Variants in NLGN1 observed in about 807,000 individuals in gnomAD.
NLGN1 encodes neuroligin 1, also known as neuroligin-1.
A neutral mutation model predicts 65.5 loss-of-function variants in NLGN1; 12 were observed. The observed-to-expected ratio is 0.18, with a 90% CI of 0.12 to 0.30. NLGN1 has a LOEUF of 0.30. NLGN1 is among the 10% of genes least tolerant of loss of function. The probability of loss-of-function intolerance (pLI) is 1.00; values close to 1 mark genes in which losing one functional copy is unlikely to be tolerated. For synonymous variants in NLGN1, 350 were observed against 359.5 expected (o/e 0.97, Z 0.30); for missense variants, 750 against 1,007.1 (o/e 0.74, Z 3.46).
chr3:173,400,278 G>T (rs1553837792), intron 1 of NLGN1, among the ~76,000 whole-genome samples: 1 of 152,022 alleles, frequency 6.6e-6, no homozygotes, highest in South Asian at 2.1e-4. Flanking sequence ...CTGAAATATA[G>T]GTATGATCTT....
chr3:173,886,885 T>C (rs944590135), intron 4 of NLGN1, among the ~76,000 whole-genome samples: 5 of 152,004 alleles, frequency 3.3e-5, no homozygotes, highest in Non-Finnish European at 7.4e-5. Flanking sequence ...CCTTGCACTA[T>C]AAAATAGACT....
chr3:173,820,567 A>G (rs946379331), intron 4 of NLGN1, among the ~76,000 whole-genome samples: 2 of 152,218 alleles, frequency 1.3e-5, no homozygotes, highest in Non-Finnish European at 2.9e-5. Flanking sequence ...TTCTCTATGC[A>G]TATGTACCTA....
intron 2 of NLGN1, among the ~76,000 whole-genome samples, chr3:173,566,543 C>T (rs1296025692): frequency 3.3e-5 from 5 of 152,084 alleles, no homozygotes; most frequent in African/African-American, 9.7e-5. Flanking sequence ...AATATTCTCG[C>T]TCTCTGCCCC....
At chr3:174,012,261 A>G (rs903893761) in intron 4 of NLGN1, among the ~76,000 whole-genome samples, 2 of 152,168 alleles carry the variant, frequency 1.3e-5, no homozygotes, top group Admixed American at 1.3e-4. Context: ...ACCTGGCCCT[A>G]TACATTGCGT....
At chr3:173,651,291 A>G (rs1250887785) in intron 3 of NLGN1, among the ~76,000 whole-genome samples, 1 of 151,150 alleles carries the variant, frequency 6.6e-6, no homozygotes, top group Non-Finnish European at 1.5e-5. Flanking sequence ...ATATATATTC[A>G]ATATTTATGT....
At chr3:173,739,834 A>G (rs1318676858) in intron 3 of NLGN1, among the ~76,000 whole-genome samples, 1 of 152,126 alleles carries the variant, frequency 6.6e-6, no homozygotes, top group Non-Finnish European at 1.5e-5. Context: ...ATGCGCTTCT[A>G]CTTTGCATGG....
At chr3:173,756,174 T>C (rs1004982265) in intron 3 of NLGN1, among the ~76,000 whole-genome samples, 1 of 151,926 alleles carries the variant, frequency 6.6e-6, no homozygotes, top group Non-Finnish European at 1.5e-5. Flanking sequence ...TCCAATAAGA[T>C]AAAGCAAATA....
At chr3:173,468,625 G>A (rs1014953866) in intron 2 of NLGN1, among the ~76,000 whole-genome samples, 7 of 151,916 alleles carry the variant, frequency 4.6e-5, no homozygotes, top group South Asian at 2.1e-4. Flanking sequence ...ACCTTTTTCC[G>A]TCAGTAGTAG....
chr3:173,680,800 T>C (rs754394436), intron 3 of NLGN1, among the ~76,000 whole-genome samples: 2 of 152,188 alleles, frequency 1.3e-5, no homozygotes, highest in Non-Finnish European at 2.9e-5. Flanking sequence ...AATATTTATT[T>C]GTTTCAGTTC....
intron 4 of NLGN1, among the ~76,000 whole-genome samples, chr3:174,057,310 T>C (rs1226922325): frequency 6.6e-6 from 1 of 152,054 alleles, no homozygotes; most frequent in Non-Finnish European, 1.5e-5. Flanking sequence ...TGAATGCTAC[T>C]GCAATGCTTA....
chr3:173,423,105 T>C (rs1009565206), intron 1 of NLGN1, among the ~76,000 whole-genome samples: 2 of 151,310 alleles, frequency 1.3e-5, no homozygotes, highest in African/African-American at 4.9e-5. Flanking sequence ...GAGAGAGAGA[T>C]TGAGGAAGTG....
chr3:173,705,448 C>T (rs1411251474), intron 3 of NLGN1, among the ~76,000 whole-genome samples: 1 of 152,092 alleles, frequency 6.6e-6, no homozygotes, highest in Non-Finnish European at 1.5e-5. Flanking sequence ...TGGCAGATTG[C>T]CTTCTGGGTA....
chr3:174,066,560 C>G (rs879255720), intron 4 of NLGN1, among the ~76,000 whole-genome samples: 22,305 of 131,736 alleles, frequency 0.17, 2,224 homozygotes, highest in African/African-American at 0.26. Context: ...CTCTCTCTCT[C>G]TCTCTGTGTG....
intron 1 of NLGN1, among the ~76,000 whole-genome samples, chr3:173,417,064 C>T (rs1040302592): frequency 2.0e-5 from 3 of 151,908 alleles, no homozygotes; most frequent in African/African-American, 7.2e-5. Flanking sequence ...ACCTGGAAAT[C>T]CATTACTTGG....
At chr3:173,925,274 G>A (rs1742794400) in intron 4 of NLGN1, among the ~76,000 whole-genome samples, 2 of 151,676 alleles carry the variant, frequency 1.3e-5, no homozygotes, top group Non-Finnish European at 2.9e-5. Flanking sequence ...AAGCCACTGA[G>A]GATCTTTTGG....
chr3:174,144,081 A>T (rs913651081), intron 4 of NLGN1, among the ~76,000 whole-genome samples: 2 of 152,076 alleles, frequency 1.3e-5, no homozygotes, highest in African/African-American at 4.8e-5. Flanking sequence ...CCACCCTCTG[A>T]CATGCCACAG....
intron 3 of NLGN1, among the ~76,000 whole-genome samples, chr3:173,664,549 T>G (rs1761433368): frequency 6.6e-6 from 1 of 152,102 alleles, no homozygotes; most frequent in Admixed American, 6.6e-5. Context: ...CACTGGACAG[T>G]GTTAACAATT....
chr3:173,975,907 C>T (rs1489786392), intron 4 of NLGN1, among the ~76,000 whole-genome samples: 2 of 152,046 alleles, frequency 1.3e-5, no homozygotes, highest in Non-Finnish European at 2.9e-5. Flanking sequence ...GTCTTGTTCA[C>T]TAATGTTTCT....
intron 4 of NLGN1, among the ~76,000 whole-genome samples, chr3:174,015,101 C>T (rs7653316): frequency 0.27 from 40,747 of 151,954 alleles, 6,625 homozygotes; most frequent in African/African-American, 0.45. Flanking sequence ...TTTATAATTA[C>T]ATTTTGCTAT....
Sources: gnomAD v4.1 joint callset for allele counts (sites outside exome capture counted in the v4.1 genomes callset) on GRCh38, gnomAD v4.1.1 for gene constraint, MANE v1.5 for transcripts, NCBI Gene and HGNC (gene_info 2026-07-23, HGNC 2026-07-21) for gene names.